Variants in ROBO2 observed in about 807,000 individuals in gnomAD.
ROBO2 encodes the protein roundabout homolog 2.
ROBO2 carries 53 observed loss-of-function variants against 160.8 expected under a neutral mutation model. The ratio of observed to expected loss-of-function variants is 0.33; its 90% CI spans 0.26 to 0.41. The LOEUF (loss-of-function observed/expected upper bound fraction) is 0.41, where lower values mean the gene tolerates loss of function less well. ROBO2 is among the 10% of genes least tolerant of loss of function. The pLI, the probability that ROBO2 is intolerant of heterozygous loss-of-function variation, is 1.00. For synonymous variants in ROBO2, 664 were observed against 611.7 expected, an observed-to-expected ratio of 1.09 and a Z score of -1.26; for missense variants, 1,577 against 1,722.4, an observed-to-expected ratio of 0.92 and a Z score of 1.49.
chr3:76,139,004 T>G (rs976616591), intron 2 of ROBO2, among the ~76,000 whole-genome samples: 1 of 152,164 alleles, frequency 6.6e-6, no homozygotes, highest in Admixed American at 6.6e-5. Context: ...TGGCAAGAAA[T>G]GAGGCTTGCC....
Position 77,239,565 on chromosome 3 carries a change from C to T in ROBO2, c.388+141225C>T, listed in dbSNP as rs563973607. The stretch of plus-strand genomic sequence containing the variant: ...CTACTTTTATTCCCTTATCTGACCC[C>T]ACCCACATCTTGCTGACTGGCCCAT... On this transcript the variant is annotated intron_variant, in intron 2 of 25. Coordinates refer to ENST00000461745, the Ensembl canonical transcript of ROBO2. Among the ~76,000 whole-genome samples, 4 of 152,342 alleles carry T rather than the reference C, an allele frequency of 2.6e-5. No homozygotes were observed. The South Asian group carries it at 8.3e-4, about 32-fold the overall frequency.
chr3:77,105,010 G>A (rs2072592376), intron 2 of ROBO2, among the ~76,000 whole-genome samples: 1 of 152,064 alleles, frequency 6.6e-6, no homozygotes. Flanking sequence ...TCTGAAAGCT[G>A]GCAATTTGTC....
intron 2 of ROBO2, among the ~76,000 whole-genome samples, chr3:77,326,778 G>T (rs942334932): frequency 6.6e-6 from 1 of 152,108 alleles, no homozygotes; most frequent in Admixed American, 6.6e-5. Flanking sequence ...GCTTAGCAGC[G>T]CTTCTTCAGG....
At chr3:76,348,572 C>T (rs2074678592) in intron 2 of ROBO2, among the ~76,000 whole-genome samples, 1 of 152,038 alleles carries the variant, frequency 6.6e-6, no homozygotes. Context: ...TTAAAATTAC[C>T]CCCAAGAACA....
At chr3:75,945,420 G>A (rs533284975) in intron 2 of ROBO2, among the ~76,000 whole-genome samples, 80 of 152,198 alleles carry the variant, frequency 5.3e-4, no homozygotes, top group African/African-American at 1.3e-3. Context: ...CAGAATAGAG[G>A]CGAAGAAGTA....
intron 2 of ROBO2, among the ~76,000 whole-genome samples, chr3:76,330,719 T>C (rs2073419047): frequency 6.6e-6 from 1 of 152,194 alleles, no homozygotes; most frequent in South Asian, 2.1e-4. Flanking sequence ...GTCTCATCGA[T>C]TTGTTGTGAT....
At chr3:76,426,963 A>G (rs1214328215) in intron 2 of ROBO2, among the ~76,000 whole-genome samples, 4 of 152,186 alleles carry the variant, frequency 2.6e-5, no homozygotes, top group African/African-American at 9.6e-5. Flanking sequence ...GACTCCATAA[A>G]GAAGACATAG....
chr3:76,056,000 C>T (rs17013713), intron 2 of ROBO2, among the ~76,000 whole-genome samples: 4,363 of 152,214 alleles, frequency 0.029, 169 homozygotes, highest in East Asian at 0.23. Flanking sequence ...TTCAACACTT[C>T]TGGGATTAAA....
At chr3:76,458,939 T>A (rs1315691722) in intron 2 of ROBO2, among the ~76,000 whole-genome samples, 2 of 152,152 alleles carry the variant, frequency 1.3e-5, no homozygotes, top group Non-Finnish European at 2.9e-5. Context: ...AATTCAAGTT[T>A]AGGTTTGGGG....
intron 2 of ROBO2, among the ~76,000 whole-genome samples, chr3:77,316,303 A>C (rs1560515901): frequency 2.0e-5 from 3 of 151,896 alleles, no homozygotes; most frequent in African/African-American, 4.9e-5. Flanking sequence ...TGCGGTGGGA[A>C]CAGGTCATGA....
chr3:76,257,991 T>C (rs953878201), intron 2 of ROBO2, among the ~76,000 whole-genome samples: 1 of 152,070 alleles, frequency 6.6e-6, no homozygotes, highest in Non-Finnish European at 1.5e-5. Flanking sequence ...CTCTTGAAAA[T>C]TTTTTGGAAA....
chr3:76,905,740 A>G (rs3884326), intron 2 of ROBO2, among the ~76,000 whole-genome samples: 1 of 152,158 alleles, frequency 6.6e-6, no homozygotes, highest in African/African-American at 2.4e-5. Flanking sequence ...TTCTCGACAT[A>G]AATTACTATG....
At chr3:76,556,134 GAGAA>G (rs999843029) in intron 2 of ROBO2, among the ~76,000 whole-genome samples, 2 of 151,838 alleles carry the variant, frequency 1.3e-5, no homozygotes, top group African/African-American at 2.4e-5. Context: ...GGAAGAAAGT[GAGAA>G]AGAAAGAAAG....
intron 2 of ROBO2, among the ~76,000 whole-genome samples, chr3:77,416,870 A>G (rs1044172213): frequency 3.9e-5 from 6 of 152,154 alleles, no homozygotes; most frequent in African/African-American, 7.2e-5. Flanking sequence ...ATAACTGACT[A>G]TGAGGTTGCT....
intron 2 of ROBO2, among the ~76,000 whole-genome samples, chr3:77,390,265 A>G (rs906636548): frequency 6.6e-5 from 10 of 152,172 alleles, no homozygotes; most frequent in Non-Finnish European, 1.3e-4. Flanking sequence ...TAAAGTTGTT[A>G]TATGAGAAAA....
At chr3:76,698,107 C>T (rs1026845543) in intron 2 of ROBO2, among the ~76,000 whole-genome samples, 2 of 152,188 alleles carry the variant, frequency 1.3e-5, no homozygotes, top group Non-Finnish European at 2.9e-5. Flanking sequence ...CCTGCAGAAG[C>T]TCTTCTATTT....
chr3:76,424,185 TAAC>T (rs1431203200), intron 2 of ROBO2, among the ~76,000 whole-genome samples: 3 of 152,210 alleles, frequency 2.0e-5, no homozygotes, highest in Non-Finnish European at 4.4e-5. Context: ...CATATTACCT[TAAC>T]AATATGTAAA....
chr3:77,456,591 T>C (rs1406579293), intron 2 of ROBO2, among the ~76,000 whole-genome samples: 1 of 152,150 alleles, frequency 6.6e-6, no homozygotes, highest in Admixed American at 6.5e-5. Context: ...CAAACAGACT[T>C]CTCTTCATTC....
intron 2 of ROBO2, among the ~76,000 whole-genome samples, chr3:76,411,317 A>G (rs567848529): frequency 3.2e-4 from 49 of 152,290 alleles, no homozygotes; most frequent in Admixed American, 1.5e-3. Context: ...GGAGCATACA[A>G]TCTAGCTAGA....
Sources: allele counts gnomAD v4.1 joint callset (sites outside exome capture counted in the v4.1 genomes callset), GRCh38; gene constraint gnomAD v4.1.1; transcripts MANE v1.5; gene names NCBI Gene and HGNC (gene_info 2026-07-23, HGNC 2026-07-21).